Variants in NKAIN3 observed in about 807,000 individuals in gnomAD.
NKAIN3 encodes the protein sodium/potassium-transporting ATPase subunit beta-1-interacting protein 3.
NKAIN3 carries 25 observed loss-of-function variants against 30.2 expected under a neutral mutation model. That is an observed-to-expected ratio of 0.83 (90% CI 0.60 to 1.16). NKAIN3 has a LOEUF of 1.16. Among genes scored for constraint, NKAIN3 ranks in the 50% most tolerant of loss-of-function variants. The pLI is 0.00. For synonymous variants in NKAIN3, 91 were observed against 89.6 expected, an observed-to-expected ratio of 1.02 and a Z score of -0.09; for missense variants, 225 against 254.1, an observed-to-expected ratio of 0.89 and a Z score of 0.78.
intron 5 of NKAIN3, among the ~76,000 whole-genome samples, chr8:62,952,091 T>C (rs1823297736): frequency 1.3e-5 from 2 of 152,154 alleles, no homozygotes; most frequent in African/African-American, 4.8e-5. Flanking sequence ...TGAACCACCA[T>C]GCCCAGCAAG....
chr8:62,915,200 C>T (rs778162301), intron 4 of NKAIN3, among the ~76,000 whole-genome samples: 8 of 152,184 alleles, frequency 5.3e-5, no homozygotes, highest in Non-Finnish European at 1.0e-4. Context: ...AAGATTTCCA[C>T]GTCCTCATCT....
At chr8:62,409,014 C>T (rs942390532) in intron 1 of NKAIN3, among the ~76,000 whole-genome samples, 9 of 152,126 alleles carry the variant, frequency 5.9e-5, no homozygotes, top group African/African-American at 2.2e-4. Flanking sequence ...AATTATTACT[C>T]TCTGCCATAC....
rs958364921 is a variant in NKAIN3, at chr8:62,975,523, T to C, written c.*10116T>C. On this transcript the variant is annotated 3_prime_UTR_variant, in exon 7 of 7. Coordinates refer to ENST00000623646, the MANE Select transcript of NKAIN3 (RefSeq NM_001304533.3). The stretch of plus-strand genomic sequence containing the variant: ...TTAGTGGTGATCTCCACTTTATCAC[T>C]TTTTATTGTGTCTATTTGATTCTTC... Among the ~76,000 whole-genome samples the C allele has an allele frequency of 6.6e-6, 1 of 152,162 alleles. No individual in the cohort carries two copies. Among genetic ancestry groups the C allele is most frequent in the Non-Finnish European group, 1.5e-5 (1 of 68,026 alleles).
chr8:62,666,568 T>C (rs1216997241), intron 3 of NKAIN3, among the ~76,000 whole-genome samples: 1 of 150,842 alleles, frequency 6.6e-6, no homozygotes, highest in East Asian at 1.9e-4. Flanking sequence ...CATTTTGTGA[T>C]TTTTTTCTTA....
rs1490080367 is a variant in NKAIN3 at position 62,980,190 on chromosome 8, C to T, written c.*14783C>T. On this transcript the variant is annotated 3_prime_UTR_variant, in exon 7 of 7. Coordinates refer to ENST00000623646, the MANE Select transcript of NKAIN3 (RefSeq NM_001304533.3). ...AAACATGAAAATAGCTTACTTTTAA[C>T]TGCTGGGTGTCAGTCTCTTCTAAAA... The T allele has an allele frequency of 1.3e-5, 2 of 152,148 alleles. No homozygotes were observed. The highest frequency in any genetic ancestry group is 2.9e-5 in the Non-Finnish European group (2 of 68,040). 9.4% of individuals were successfully genotyped at this position (152,148 alleles called of 1,614,324 possible). A position where few individuals can be genotyped will look rare whatever the true frequency, so the allele number is the denominator to read the frequency against.
At chr8:62,825,535 A>ATG (rs1818992989) in intron 4 of NKAIN3, among the ~76,000 whole-genome samples, 1 of 152,150 alleles carries the variant, frequency 6.6e-6, no homozygotes, top group Admixed American at 6.5e-5. Flanking sequence ...GTGTATCTGC[A>ATG]TGTGTGTGTG....
intron 4 of NKAIN3, among the ~76,000 whole-genome samples, chr8:62,869,505 T>C (rs1820525903): frequency 6.6e-6 from 1 of 152,228 alleles, no homozygotes. Context: ...AATTGTTTTA[T>C]GGAAATGTTT....
Position 62,975,825 on chromosome 8 carries a change from T to C in NKAIN3, c.*10418T>C, listed in dbSNP as rs1213535886. On this transcript the variant is annotated 3_prime_UTR_variant, in exon 7 of 7. Transcript: ENST00000623646. ...TTTCTCCTGTGAGCACTTAGGTCTA[T>C]AAATTTCCTTCTAAGCACTCCCTCT... Among the ~76,000 whole-genome samples the C allele has an allele frequency of 6.6e-6, 1 of 152,236 alleles. No homozygotes were observed. The highest frequency in any genetic ancestry group is 1.5e-5 in the Non-Finnish European group (1 of 68,034).
At chr8:62,753,708 G>T (rs955932667) in intron 4 of NKAIN3, among the ~76,000 whole-genome samples, 1 of 152,094 alleles carries the variant, frequency 6.6e-6, no homozygotes, top group African/African-American at 2.4e-5. Context: ...AGCAGTCTTT[G>T]TCTCAAAGAC....
intron 1 of NKAIN3, among the ~76,000 whole-genome samples, chr8:62,351,554 T>G (rs1816180453): frequency 6.6e-6 from 1 of 150,532 alleles, no homozygotes; most frequent in Non-Finnish European, 1.5e-5. Flanking sequence ...ACATATATCA[T>G]ATATAATAAG....
chr8:62,995,751 G>A (rs943548915), intron 5 of NKAIN3, among the ~76,000 whole-genome samples: 1 of 152,162 alleles, frequency 6.6e-6, no homozygotes, highest in African/African-American at 2.4e-5. Context: ...ACATCAAGTT[G>A]TTCACCATAG....
chr8:62,297,296 G>C (rs996196065), intron 1 of NKAIN3, among the ~76,000 whole-genome samples: 1 of 152,074 alleles, frequency 6.6e-6, no homozygotes, highest in Non-Finnish European at 1.5e-5. Context: ...CAAAAGCAAC[G>C]GCAACAAAAG....
intron 3 of NKAIN3, among the ~76,000 whole-genome samples, chr8:62,655,011 C>T (rs1405372594): frequency 3.9e-5 from 6 of 152,182 alleles, no homozygotes; most frequent in African/African-American, 1.2e-4. Flanking sequence ...TTCATAGTCA[C>T]TCTTTCTGTC....
chr8:62,364,828 CA>C (rs58784999), intron 1 of NKAIN3, among the ~76,000 whole-genome samples: 3 of 63,762 alleles, frequency 4.7e-5, no homozygotes, highest in African/African-American at 6.8e-5. Flanking sequence ...GACTCCACTA[CA>C]AAAAAAAAAA....
intron 1 of NKAIN3, among the ~76,000 whole-genome samples, chr8:62,479,905 G>A (rs905791968): frequency 6.6e-6 from 1 of 152,182 alleles, no homozygotes; most frequent in Admixed American, 6.5e-5. Flanking sequence ...GGAAACAAGT[G>A]AGAAAGGTAA....
At chr8:62,904,321 A>G (rs4436117) in intron 4 of NKAIN3, among the ~76,000 whole-genome samples, 117,645 of 152,156 alleles carry the variant, frequency 0.77, 46,340 homozygotes, top group East Asian at 0.98. Flanking sequence ...TGAAATATCC[A>G]TAGCATTTTT....
At chr8:62,280,159 G>A (rs918359615) in intron 1 of NKAIN3, among the ~76,000 whole-genome samples, 10 of 104,568 alleles carry the variant, frequency 9.6e-5, no homozygotes, top group Non-Finnish European at 1.9e-4. Flanking sequence ...GTTAACTCAC[G>A]ATTTGGCTCT....
chr8:62,384,700 A>T (rs932476057), intron 1 of NKAIN3, among the ~76,000 whole-genome samples: 1 of 152,148 alleles, frequency 6.6e-6, no homozygotes, highest in Non-Finnish European at 1.5e-5. Flanking sequence ...CTTGATTCTA[A>T]GAATTTGGTA....
At chr8:62,297,131 T>C (rs186269821) in intron 1 of NKAIN3, among the ~76,000 whole-genome samples, 80 of 152,124 alleles carry the variant, frequency 5.3e-4, no homozygotes, top group African/African-American at 1.9e-3. Context: ...ATAAGGATCT[T>C]TCACTGGATC....
Sources: allele counts gnomAD v4.1 joint callset (sites outside exome capture counted in the v4.1 genomes callset), GRCh38; gene constraint gnomAD v4.1.1; transcripts MANE v1.5; gene names NCBI Gene and HGNC (gene_info 2026-07-23, HGNC 2026-07-21).